Variants in SLC12A9 observed in about 807,000 individuals in gnomAD.
SLC12A9 encodes the protein solute carrier family 12 member 9.
Under a neutral mutation model 66.0 loss-of-function variants are expected in SLC12A9, and 55 were observed. The observed-to-expected ratio is 0.83, with a 90% CI of 0.67 to 1.04. The LOEUF (loss-of-function observed/expected upper bound fraction) is 1.04. Ranked by LOEUF, SLC12A9 falls within the 50% of genes least tolerant of loss-of-function variation. The pLI is 0.00. For synonymous variants in SLC12A9, 577 were observed against 569.0 expected (o/e 1.01, Z -0.20); for missense variants, 1,061 against 1,241.9 (o/e 0.85, Z 2.19).
chr7:100,866,659 A>T lies in SLC12A9; in HGVS notation c.*54A>T. 1.4e-6 allele frequency: 2 copies of T among 1,429,220 alleles called. No homozygotes were observed. Among genetic ancestry groups the T allele is most frequent in the Non-Finnish European group, 1.8e-6 (2 of 1,085,728 alleles). 88.5% of individuals were successfully genotyped at this position (1,429,220 alleles called of 1,614,324 possible). A position where few individuals can be genotyped will look rare whatever the true frequency, so the allele number is the denominator to read the frequency against. On this transcript the variant is annotated 3_prime_UTR_variant, in exon 14 of 14. Coordinates refer to ENST00000354161, the MANE Select transcript of SLC12A9 (RefSeq NM_020246.4). The surrounding 1 kb of genome is among the most constrained non-coding windows in gnomAD (Gnocchi z 7.3). ...GGGCCCAGGCAGGCGGCCTATCCTG[A>T]TCCTTGGAGGAGGAGGAAGAGGAGG...
chr7:100,827,691 G>A (rs1317036017), intron 1 of SLC12A9, among the ~76,000 whole-genome samples: 2 of 152,144 alleles, frequency 1.3e-5, no homozygotes, highest in Non-Finnish European at 2.9e-5. Flanking sequence ...AGGTCGGGAA[G>A]TTGAGAGAAA....
chr7:100,833,210 G>A (rs1275477307), intron 1 of SLC12A9, among the ~76,000 whole-genome samples: 2 of 152,150 alleles, frequency 1.3e-5, no homozygotes, highest in East Asian at 3.9e-4. Context: ...AAGGCTGGGC[G>A]CAGTGGCTCA....
intron 1 of SLC12A9, among the ~76,000 whole-genome samples, chr7:100,834,765 C>CG (rs1813614432): frequency 6.6e-6 from 1 of 151,928 alleles, no homozygotes. Flanking sequence ...CCCAGCTGTT[C>CG]GGGGGGCTGA....
chr7:100,845,094 T>C (rs1030517652), intron 1 of SLC12A9, among the ~76,000 whole-genome samples: 2 of 151,750 alleles, frequency 1.3e-5, no homozygotes, highest in Non-Finnish European at 2.9e-5. Flanking sequence ...GCCTCAATCA[T>C]TGGACAATAC....
chr7:100,830,526 AAGAG>A (rs1310558546), intron 1 of SLC12A9, among the ~76,000 whole-genome samples: 3 of 149,462 alleles, frequency 2.0e-5, no homozygotes, highest in Admixed American at 6.7e-5. Context: ...GAAAGAAAGA[AAGAG>A]AGAAAACATT....
chr7:100,862,773 C>T lies in SLC12A9; in HGVS notation c.1804C>T (p.Leu602Phe). 1 of 1,614,198 alleles carries T rather than the reference C, an allele frequency of 6.2e-7. No individual in the cohort carries two copies. Among genetic ancestry groups the T allele is most frequent in the Non-Finnish European group, 8.5e-7 (1 of 1,180,046 alleles). ...AQVKAFVDLT[L>F]SPSVRQGAQH... ...GGTGAAGGCTTTTGTGGATCTAACCCTCTCACCCTCCGTGCGCCAGGGGGC... is the reference window on the plus strand; with the variant it reads ...GGTGAAGGCTTTTGTGGATCTAACCTTCTCACCCTCCGTGCGCCAGGGGGC... Residue 602 changes from leucine (L) to phenylalanine (F), a missense_variant, in exon 13 of 14, where the codon CTC (leucine) becomes TTC (phenylalanine). Transcript: ENST00000354161.
At chr7:100,832,417 G>A (rs1398905366) in intron 1 of SLC12A9, among the ~76,000 whole-genome samples, 1 of 152,130 alleles carries the variant, frequency 6.6e-6, no homozygotes, top group Non-Finnish European at 1.5e-5. Flanking sequence ...GGGAGGCCGA[G>A]GTGGGAGGAT....
At chr7:100,841,280 A>G (rs183561532) in intron 1 of SLC12A9, among the ~76,000 whole-genome samples, 1 of 152,076 alleles carries the variant, frequency 6.6e-6, no homozygotes, top group Non-Finnish European at 1.5e-5. Context: ...AGTATAATTT[A>G]AAAGTAACTA....
At chr7:100,837,339 C>T (rs896211409) in intron 1 of SLC12A9, 2 of 143,360 alleles carry the variant, frequency 1.4e-5, no homozygotes, top group Admixed American at 1.5e-4. Flanking sequence ...TTATTTTTTC[C>T]ATTAAAAAAT....
Position 100,861,023 on chromosome 7 carries a change from A to G in SLC12A9, c.1219-115A>G, listed in dbSNP as rs776411409. The G allele has an allele frequency of 5.4e-5, 85 of 1,572,594 alleles. No homozygotes were observed. The highest frequency in any genetic ancestry group is 7.1e-5 in the Non-Finnish European group (82 of 1,151,128). ...CTGGCACTTTGCAGGGTTCACTGGCACTTTCTGGGGCTCATTGACACTTTG... is the reference window on the plus strand; with the variant it reads ...CTGGCACTTTGCAGGGTTCACTGGCGCTTTCTGGGGCTCATTGACACTTTG... On this transcript the variant is annotated intron_variant, in intron 9 of 13. Transcript: ENST00000354161. The surrounding 1 kb of genome is among the most constrained non-coding windows in gnomAD (Gnocchi z 5.3).
chr7:100,865,143 A>T, intron 13 of SLC12A9: 1 of 937,416 alleles, frequency 1.1e-6, no homozygotes, highest in Non-Finnish European at 1.6e-6. Context: ...TTTTTAGTAG[A>T]GATAGCATTT....
chr7:100,854,503 T>C (rs1814266577), intron 2 of SLC12A9, 117 bp from the exon 3 acceptor site: 1 of 1,591,962 alleles, frequency 6.3e-7, no homozygotes, highest in African/African-American at 1.4e-5. Context: ...CTGAAGGGTT[T>C]GGGGAGGGGC....
At chr7:100,859,289 G>T in intron 7 of SLC12A9, 128 bp downstream of exon 7, 5 of 847,190 alleles carry the variant, frequency 5.9e-6, no homozygotes, top group Non-Finnish European at 7.7e-6. Context: ...GGCTACCGGC[G>T]ATTGACAACC....
chr7:100,857,230 C>T lies in SLC12A9; in HGVS notation c.757+54C>T, dbSNP rs527289902. ...CTCGGGGTGAGGGGTGGGCAGACGTCGGGCCGGGCCCGTAAAACCTCTGGA... is the reference window on the plus strand; with the variant it reads ...CTCGGGGTGAGGGGTGGGCAGACGTTGGGCCGGGCCCGTAAAACCTCTGGA... On this transcript the variant is annotated intron_variant, in intron 5 of 13. Coordinates refer to ENST00000354161, the MANE Select transcript of SLC12A9 (RefSeq NM_020246.4). The T allele has an allele frequency of 4.6e-4, 711 of 1,555,944 alleles. 11 individuals are homozygous for T. The South Asian group carries it at 6.4e-3, about 14-fold the overall frequency.
chr7:100,826,912 A>C, exon 1 of SLC12A9: 1 of 1,508,776 alleles, frequency 6.6e-7, no homozygotes, highest in Non-Finnish European at 8.9e-7. Flanking sequence ...CTCCACTCCG[A>C]GGCCCAGATG....
At position 100,859,094 on chromosome 7, in the gene SLC12A9, G is replaced by A. The variant is rs371521867; in HGVS notation, c.910G>A (p.Val304Ile). The change falls in exon 7 of 14, where the codon GTC becomes ATC. Residue 304 changes from valine to isoleucine, a missense_variant. Coordinates refer to ENST00000354161, the MANE Select transcript of SLC12A9 (RefSeq NM_020246.4). ...PSRAIPLGTI[V>I]AVAYTFFVYV... is the part of the protein sequence containing the mutation. ...CCGGGCGATCCCTCTGGGCACGATC[G>A]TCGCCGTCGCCTACACCTTCTTCGT... The A allele has an allele frequency of 1.4e-4, 229 of 1,613,774 alleles. No homozygotes were observed. Among genetic ancestry groups the A allele is most frequent in the Non-Finnish European group, 1.9e-4 (223 of 1,180,016 alleles).
chr7:100,849,024 C>T (rs1230854384), upstream of SLC12A9, among the ~76,000 whole-genome samples: 1 of 146,720 alleles, frequency 6.8e-6, no homozygotes, highest in African/African-American at 2.5e-5. Flanking sequence ...CTTGCTCTGT[C>T]GCCTAGGTGG....
At chr7:100,829,953 G>A (rs1813510832) in intron 1 of SLC12A9, among the ~76,000 whole-genome samples, 2 of 151,064 alleles carry the variant, frequency 1.3e-5, no homozygotes, top group African/African-American at 2.4e-5. Context: ...GCTTGAACCC[G>A]GGAGGCAGAA....
Position 100,860,235 on chromosome 7 carries a change from G to A in SLC12A9, c.1218+3G>A, listed in dbSNP as rs759628153. 1 of 1,613,446 alleles carries A rather than the reference G, an allele frequency of 6.2e-7. No homozygotes were observed. The highest frequency in any genetic ancestry group is 8.5e-7 in the Non-Finnish European group (1 of 1,179,596). ...TTTATTCTTGGGGCCTGGTGCAGGT[G>A]AGCCTTCTTCTTCAAGGGGCCCTTT... On this transcript the variant is annotated splice_donor_region_variant and intron_variant, in intron 9 of 13. Coordinates refer to ENST00000354161, the MANE Select transcript of SLC12A9 (RefSeq NM_020246.4).
Sources: allele counts gnomAD v4.1 joint callset (sites outside exome capture counted in the v4.1 genomes callset), GRCh38; gene constraint gnomAD v4.1.1; non-coding constraint Gnocchi (gnomAD v3.1); transcripts MANE v1.5; gene names NCBI Gene and HGNC (gene_info 2026-07-23, HGNC 2026-07-21).